MCUB: variants seen among roughly 807,000 people sequenced by gnomAD.
MCUB encodes the protein calcium uniporter regulatory subunit MCUb, mitochondrial.
Under a neutral mutation model 41.4 loss-of-function variants are expected in MCUB, and 46 were observed. That is an observed-to-expected ratio of 1.11 (90% CI 0.88 to 1.42). The LOEUF (loss-of-function observed/expected upper bound fraction) is 1.42, where lower values mean the gene tolerates loss of function less well. MCUB is among the 40% of genes most tolerant of loss of function. MCUB has a pLI of 0.00. For synonymous variants in MCUB, 148 were observed against 148.2 expected (o/e 1.00, Z 0.01); for missense variants, 403 against 404.9 (o/e 1.00, Z 0.04).
chr4:109,569,407 C>T (rs962622487), intron 1 of MCUB, among the ~76,000 whole-genome samples: 1 of 150,800 alleles, frequency 6.6e-6, no homozygotes, highest in Non-Finnish European at 1.5e-5. Context: ...ACTTTCATAT[C>T]AGGATTTTTA....
chr4:109,659,933 C>G (rs58064325), intron 2 of MCUB, among the ~76,000 whole-genome samples: 1 of 152,312 alleles, frequency 6.6e-6, no homozygotes, highest in Non-Finnish European at 1.5e-5. Flanking sequence ...GCTGGGATTA[C>G]AGGCATGAGC....
At chr4:109,642,314 G>C (rs1033051134) in intron 1 of MCUB, among the ~76,000 whole-genome samples, 1 of 152,148 alleles carries the variant, frequency 6.6e-6, no homozygotes, top group African/African-American at 2.4e-5. Flanking sequence ...GAAACAGCAA[G>C]AATAATGGAG....
chr4:109,576,718 CAG>C (rs888719466), intron 1 of MCUB, among the ~76,000 whole-genome samples: 1 of 152,136 alleles, frequency 6.6e-6, no homozygotes, highest in African/African-American at 2.4e-5. Flanking sequence ...GGATGATTCA[CAG>C]AGATGTGGGC....
chr4:109,586,906 C>T (rs1396888858), intron 1 of MCUB, among the ~76,000 whole-genome samples: 5 of 152,204 alleles, frequency 3.3e-5, no homozygotes, highest in Non-Finnish European at 5.9e-5. Context: ...TTAGGCTACA[C>T]GGAGGTCAGG....
chr4:109,584,464 C>T (rs1441141550), intron 1 of MCUB, among the ~76,000 whole-genome samples: 1 of 152,104 alleles, frequency 6.6e-6, no homozygotes, highest in Non-Finnish European at 1.5e-5. Flanking sequence ...CAGTTCTGCT[C>T]TGATCTTAGT....
At position 109,608,659 on chromosome 4, in the gene MCUB, G is replaced by T. The variant is rs1727933477; in HGVS notation, c.99+48223G>T. On this transcript the variant is annotated intron_variant, in intron 1 of 7. Coordinates refer to ENST00000394650, the MANE Select transcript of MCUB (RefSeq NM_017918.5). ...GCACCACCACATCCAGCTACTTTTT[G>T]TATTATTATTATTGTTTTTTTTTTA... Among the ~76,000 whole-genome samples, 7 of 151,580 alleles carry T rather than the reference G, an allele frequency of 4.6e-5. 1 individual carries two copies. The South Asian group carries it at 1.5e-3, about 32-fold the overall frequency.
intron 1 of MCUB, among the ~76,000 whole-genome samples, chr4:109,637,065 T>C (rs1034551330): frequency 6.6e-6 from 1 of 152,074 alleles, no homozygotes; most frequent in African/African-American, 2.4e-5. Flanking sequence ...GTTCAAGTCA[T>C]TTAGCTATGG....
intron 1 of MCUB, among the ~76,000 whole-genome samples, chr4:109,643,956 G>A (rs1323994237): frequency 1.3e-5 from 2 of 152,082 alleles, no homozygotes; most frequent in Non-Finnish European, 2.9e-5. Flanking sequence ...GTGTTAAAAC[G>A]AGTAAAAAAA....
At chr4:109,664,924 G>A (rs1167138919) in intron 4 of MCUB, among the ~76,000 whole-genome samples, 5 of 143,578 alleles carry the variant, frequency 3.5e-5, no homozygotes, top group African/African-American at 1.3e-4. Flanking sequence ...ATACATGATT[G>A]TATAGCTCTT....
At chr4:109,590,113 T>C (rs1727397599) in intron 1 of MCUB, among the ~76,000 whole-genome samples, 2 of 152,360 alleles carry the variant, frequency 1.3e-5, no homozygotes, top group African/African-American at 4.8e-5. Flanking sequence ...GAGAAAGGCA[T>C]ATTCTTAAAA....
Position 109,641,331 on chromosome 4 carries a change from C to T in MCUB, c.100-17680C>T, listed in dbSNP as rs987516739. Among the ~76,000 whole-genome samples the T allele has an allele frequency of 2.6e-5, 4 of 151,448 alleles. No individual in the cohort carries two copies. In the East Asian group the frequency reaches 7.8e-4, roughly 29 times the overall value. ...ATGTTAGCCAGGATGGTCTCGATCT[C>T]CTGACCTCGTGATCCGCCTGCCTCA... On this transcript the variant is annotated intron_variant, in intron 1 of 7. Transcript: ENST00000394650.
At chr4:109,636,913 A>T (rs963029633) in intron 1 of MCUB, among the ~76,000 whole-genome samples, 3 of 152,224 alleles carry the variant, frequency 2.0e-5, no homozygotes, top group Non-Finnish European at 4.4e-5. Flanking sequence ...CAGCAATGAA[A>T]AGCTTTCATA....
At position 109,573,370 on chromosome 4, in the gene MCUB, G is replaced by A. The variant is rs145472547; in HGVS notation, c.99+12934G>A. 3.8e-3 allele frequency among the ~76,000 whole-genome samples: 582 copies of A among 151,522 alleles called. 5 individuals carry two copies. Among genetic ancestry groups the A allele is most frequent in the African/African-American group, 0.013 (523 of 41,260 alleles). On this transcript the variant is annotated intron_variant, in intron 1 of 7. Transcript: ENST00000394650. ...CGGGAGGCTGCGGCAGCAGAACCGC[G>A]TAAACCTGGGAGGTGGAGCTTGCAA...
intron 1 of MCUB, among the ~76,000 whole-genome samples, chr4:109,627,927 A>T (rs2126137212): frequency 6.6e-6 from 1 of 152,238 alleles, no homozygotes; most frequent in South Asian, 2.1e-4. Flanking sequence ...GAAAAAAAAA[A>T]AAAAGAGGAT....
At chr4:109,605,630 GAAGTCTCCAGCTA>G (rs1250187737) in intron 1 of MCUB, among the ~76,000 whole-genome samples, 1 of 152,142 alleles carries the variant, frequency 6.6e-6, no homozygotes, top group Non-Finnish European at 1.5e-5. Flanking sequence ...GTATGGCGTT[GAAGTCTCCAGCTA>G]TTATTGTTTT....
intron 5 of MCUB, chr4:109,683,015 C>T (rs78520339): frequency 0.02 from 5,731 of 291,648 alleles, 329 homozygotes; most frequent in African/African-American, 0.12. Flanking sequence ...GCCATGCCTC[C>T]TCTCCAGAGA....
At chr4:109,654,673 C>A (rs1365328827) in intron 1 of MCUB, among the ~76,000 whole-genome samples, 4 of 152,148 alleles carry the variant, frequency 2.6e-5, no homozygotes, top group Non-Finnish European at 5.9e-5. Context: ...TTAGCTTGAT[C>A]TTCACATGGG....
At chr4:109,597,923 C>T (rs1461196317) in intron 1 of MCUB, among the ~76,000 whole-genome samples, 18 of 149,828 alleles carry the variant, frequency 1.2e-4, no homozygotes, top group South Asian at 4.3e-4. Context: ...GACGGGGTCG[C>T]GGCCGGGCAG....
chr4:109,607,086 G>C (rs1023974760), intron 1 of MCUB, among the ~76,000 whole-genome samples: 4 of 152,072 alleles, frequency 2.6e-5, no homozygotes, highest in Non-Finnish European at 5.9e-5. Flanking sequence ...TTTAGTCTTT[G>C]TGCCTAAGAT....
Sources: allele counts gnomAD v4.1 joint callset (sites outside exome capture counted in the v4.1 genomes callset), GRCh38; gene constraint gnomAD v4.1.1; transcripts MANE v1.5; gene names NCBI Gene and HGNC (gene_info 2026-07-23, HGNC 2026-07-21).